Variants in MAGI2 observed in about 807,000 individuals in gnomAD.
MAGI2 encodes membrane associated guanylate kinase, WW and PDZ domain containing 2.
Under a neutral mutation model 133.3 loss-of-function variants are expected in MAGI2, and 35 were observed. The observed-to-expected ratio is 0.26, with a 90% CI of 0.20 to 0.35. The LOEUF (loss-of-function observed/expected upper bound fraction) is 0.35, where lower values mean the gene tolerates loss of function less well. Ranked by LOEUF, MAGI2 falls within the 10% of genes least tolerant of loss-of-function variation. MAGI2 has a pLI of 1.00. For synonymous variants in MAGI2, 729 were observed against 710.6 expected (o/e 1.03, Z -0.41); for missense variants, 1,636 against 1,863.4 (o/e 0.88, Z 2.25).
At chr7:78,624,547 C>T (rs1412170889) in intron 3 of MAGI2, among the ~76,000 whole-genome samples, 1 of 152,060 alleles carries the variant, frequency 6.6e-6, no homozygotes, top group Non-Finnish European at 1.5e-5. Flanking sequence ...AATGCAGGAA[C>T]AGAAAACCCA....
intron 1 of MAGI2, among the ~76,000 whole-genome samples, chr7:79,122,967 A>T (rs1820047191): frequency 6.6e-6 from 1 of 152,130 alleles, no homozygotes; most frequent in Non-Finnish European, 1.5e-5. Context: ...TAGTATGTTT[A>T]AAAAAGAGAT....
chr7:78,558,777 C>T (rs904874646), intron 3 of MAGI2, among the ~76,000 whole-genome samples: 3 of 150,816 alleles, frequency 2.0e-5, no homozygotes, highest in Non-Finnish European at 4.4e-5. Flanking sequence ...AGTTGGCCCA[C>T]GTGAGGGTGA....
intron 2 of MAGI2, among the ~76,000 whole-genome samples, chr7:78,963,116 T>A (rs1562723131): frequency 6.6e-6 from 1 of 151,850 alleles, no homozygotes; most frequent in African/African-American, 2.4e-5. Flanking sequence ...TCACCTACTT[T>A]AAAAAAAACA....
chr7:79,045,606 C>T lies in MAGI2; in HGVS notation c.302-38400G>A, dbSNP rs189141386. Among the ~76,000 whole-genome samples the T allele has an allele frequency of 5.3e-4, 81 of 152,238 alleles. 1 individual carries two copies. Among genetic ancestry groups the T allele is most frequent in the Middle Eastern group, 6.8e-3 (2 of 294 alleles). ...AGGAGATCGAGACCATCCTGCCTAA[C>T]ACAGTGAAACCCCATCTCTACTAAA... On this transcript the variant is annotated intron_variant, in intron 1 of 21. Transcript: ENST00000354212.
At chr7:79,293,506 A>T (rs905807349) in intron 1 of MAGI2, among the ~76,000 whole-genome samples, 3 of 152,248 alleles carry the variant, frequency 2.0e-5, no homozygotes, top group Admixed American at 6.5e-5. Flanking sequence ...TATTTTCTAC[A>T]TAGTTCTTCA....
intron 1 of MAGI2, among the ~76,000 whole-genome samples, chr7:79,128,452 CT>C (rs1254753021): frequency 6.6e-6 from 1 of 152,106 alleles, no homozygotes; most frequent in Non-Finnish European, 1.5e-5. Flanking sequence ...AATAAAAACT[CT>C]AAGTTGTAAG....
chr7:78,604,357 A>G, intron 3 of MAGI2, among the ~76,000 whole-genome samples: 1 of 152,210 alleles, frequency 6.6e-6, no homozygotes, highest in Admixed American at 6.5e-5. Flanking sequence ...AGAAATAGAT[A>G]AAACTAGAAT....
chr7:79,244,578 G>A (rs1206690552), intron 1 of MAGI2, among the ~76,000 whole-genome samples: 1 of 152,164 alleles, frequency 6.6e-6, no homozygotes, highest in East Asian at 1.9e-4. Context: ...ATAGCCAGAG[G>A]GGAATTGCCT....
chr7:79,262,890 G>A (rs951050405), intron 1 of MAGI2, among the ~76,000 whole-genome samples: 1 of 152,136 alleles, frequency 6.6e-6, no homozygotes, highest in African/African-American at 2.4e-5. Context: ...GGTTTGAGAG[G>A]TGCCTTTTCA....
intron 2 of MAGI2, among the ~76,000 whole-genome samples, chr7:78,802,572 G>A (rs980445633): frequency 7.9e-5 from 12 of 152,052 alleles, no homozygotes; most frequent in African/African-American, 2.9e-4. Flanking sequence ...AGTGGAGCAC[G>A]GAGGACTTTT....
Position 78,998,511 on chromosome 7 carries a change from T to C in MAGI2, c.418+8579A>G, listed in dbSNP as rs370998583. Among the ~76,000 whole-genome samples the C allele has an allele frequency of 7.2e-5, 11 of 152,280 alleles. No individual in the cohort carries two copies. The East Asian group carries it at 2.1e-3, about 29-fold the overall frequency. ...TTCTAGAACCAATGGCTTCCAATTC[T>C]TGGATGAGTGCTCTTTTCTTAGTTT... On this transcript the variant is annotated intron_variant, in intron 2 of 21. Transcript: ENST00000354212.
chr7:78,522,814 A>C (rs1266847655), intron 3 of MAGI2, among the ~76,000 whole-genome samples: 2 of 152,228 alleles, frequency 1.3e-5, no homozygotes, highest in African/African-American at 4.8e-5. Context: ...CAGTGTTTTC[A>C]GTTAATTGAG....
At chr7:79,028,179 T>C (rs917859389) in intron 1 of MAGI2, among the ~76,000 whole-genome samples, 20 of 142,866 alleles carry the variant, frequency 1.4e-4, no homozygotes, top group African/African-American at 4.4e-4. Flanking sequence ...TCCACTGCAC[T>C]CCAGCCTGGT....
intron 6 of MAGI2, among the ~76,000 whole-genome samples, chr7:78,471,352 T>A (rs78093794): frequency 0.052 from 7,892 of 152,182 alleles, 266 homozygotes; most frequent in East Asian, 0.089. Context: ...AAAAGTTTAT[T>A]TCCCTGTTAA....
chr7:78,209,579 C>T (rs1787567333), intron 10 of MAGI2, among the ~76,000 whole-genome samples: 1 of 151,978 alleles, frequency 6.6e-6, no homozygotes. Context: ...ATTCTTAACA[C>T]TTTCCTTTCC....
At chr7:78,226,017 G>C (rs1376004703) in intron 10 of MAGI2, among the ~76,000 whole-genome samples, 1 of 152,000 alleles carries the variant, frequency 6.6e-6, no homozygotes, top group African/African-American at 2.4e-5. Context: ...AAATCCAAAA[G>C]CCAAATGTTT....
At chr7:78,776,436 C>T (rs1825996546) in intron 2 of MAGI2, among the ~76,000 whole-genome samples, 1 of 152,160 alleles carries the variant, frequency 6.6e-6, no homozygotes, top group Non-Finnish European at 1.5e-5. Context: ...CATTTATGAT[C>T]TCCTTTTGGC....
intron 1 of MAGI2, among the ~76,000 whole-genome samples, chr7:79,169,554 C>T (rs975412137): frequency 4.6e-5 from 7 of 152,082 alleles, no homozygotes; most frequent in Admixed American, 1.3e-4. Context: ...CATGGTCACA[C>T]GCTCAGCCAC....
chr7:78,077,049 A>T (rs1332284056), intron 21 of MAGI2, among the ~76,000 whole-genome samples: 1 of 152,138 alleles, frequency 6.6e-6, no homozygotes, highest in Non-Finnish European at 1.5e-5. Flanking sequence ...ACAGACAAGC[A>T]GCTGATGTGG....
Sources: allele counts gnomAD v4.1 joint callset (sites outside exome capture counted in the v4.1 genomes callset), GRCh38; gene constraint gnomAD v4.1.1; transcripts MANE v1.5; gene names NCBI Gene and HGNC (gene_info 2026-07-23, HGNC 2026-07-21).